The following ATP13A5 variants were observed in gnomAD, a reference collection of about 807,000 sequenced individuals.
ATP13A5 encodes the protein probable cation-transporting ATPase 13A5.
ATP13A5 carries 149 observed loss-of-function variants against 150.2 expected under a neutral mutation model. The ratio of observed to expected loss-of-function variants is 0.99; its 90% CI spans 0.87 to 1.14. ATP13A5 has a LOEUF of 1.14. ATP13A5 is among the 50% of genes most tolerant of loss of function. ATP13A5 has a pLI of 0.00. For missense variants in ATP13A5, 1,383 were observed against 1,449.3 expected (o/e 0.95, Z 0.74); for synonymous variants, 497 against 522.2 (o/e 0.95, Z 0.66).
In ATP13A5 at chr3:193,345,697, T is replaced by C. The variant is rs1712309726; in HGVS notation, c.742-622A>G. On this transcript the variant is annotated intron_variant, in intron 7 of 29. Transcript: ENST00000342358. ...GACGCATAAGTTAGGTTTTCAATCT[T>C]GTCTATTAAGTTAGGTTAAGGTTGG... Among the ~76,000 whole-genome samples, 4 of 152,304 alleles carry C rather than the reference T, an allele frequency of 2.6e-5. No homozygotes were observed. The South Asian group carries it at 8.3e-4, about 32-fold the overall frequency.
chr3:193,344,386 G>A (rs1167670207), intron 8 of ATP13A5, among the ~76,000 whole-genome samples: 8 of 152,132 alleles, frequency 5.3e-5, no homozygotes, highest in Admixed American at 5.2e-4. Context: ...TGATTCCTGT[G>A]GTTGGTACAC....
At chr3:193,293,132 T>C (rs572830453) in intron 25 of ATP13A5, among the ~76,000 whole-genome samples, 1 of 152,214 alleles carries the variant, frequency 6.6e-6, no homozygotes, top group South Asian at 2.1e-4. Flanking sequence ...GAAACCCCAG[T>C]ATTTCTGATT....
intron 9 of ATP13A5, among the ~76,000 whole-genome samples, chr3:193,338,973 A>T (rs938920198): frequency 1.1e-4 from 16 of 152,024 alleles, no homozygotes; most frequent in African/African-American, 3.9e-4. Context: ...GAGGGTGTAT[A>T]TGTCGAGGAA....
At chr3:193,375,807 C>T (rs896789535) in intron 1 of ATP13A5, among the ~76,000 whole-genome samples, 1 of 152,160 alleles carries the variant, frequency 6.6e-6, no homozygotes, top group South Asian at 2.1e-4. Flanking sequence ...CCATGCTGAG[C>T]TCAGCAGAAT....
chr3:193,342,576 A>G (rs796633199), intron 9 of ATP13A5, among the ~76,000 whole-genome samples: 2 of 152,182 alleles, frequency 1.3e-5, no homozygotes, highest in Admixed American at 1.3e-4. Context: ...GCCACTTGTC[A>G]TTTAAGGTTA....
intron 5 of ATP13A5, among the ~76,000 whole-genome samples, chr3:193,355,486 G>C (rs1228838368): frequency 6.6e-6 from 1 of 152,162 alleles, no homozygotes; most frequent in African/African-American, 2.4e-5. Context: ...GGGAGAATCT[G>C]CATGAGAGAT....
intron 7 of ATP13A5, among the ~76,000 whole-genome samples, chr3:193,345,361 C>T (rs1327129203): frequency 6.6e-6 from 1 of 151,996 alleles, no homozygotes; most frequent in Admixed American, 6.6e-5. Context: ...TTAAAAGAAA[C>T]TTTAGACAAA....
intron 27 of ATP13A5, 49 bp from the exon 28 acceptor site, chr3:193,279,503 A>C: frequency 6.7e-7 from 1 of 1,503,738 alleles, no homozygotes; most frequent in Non-Finnish European, 9.2e-7. Flanking sequence ...AATGTTTCAT[A>C]TAATTTGGCA....
intron 27 of ATP13A5, chr3:193,281,331 G>A (rs1034276719): frequency 5.9e-6 from 2 of 336,626 alleles, no homozygotes; most frequent in African/African-American, 2.2e-5. Context: ...ACTAGGTCTC[G>A]CCTGTGCACA....
chr3:193,311,279 G>C (rs1008258957), intron 20 of ATP13A5, among the ~76,000 whole-genome samples: 1 of 152,176 alleles, frequency 6.6e-6, no homozygotes, highest in East Asian at 1.9e-4. Flanking sequence ...CTAACAGATA[G>C]TTGCTGCCCT....
intron 23 of ATP13A5, among the ~76,000 whole-genome samples, chr3:193,302,549 C>G (rs915579639): frequency 1.3e-5 from 2 of 152,174 alleles, no homozygotes; most frequent in African/African-American, 4.8e-5. Flanking sequence ...AAAATTACTG[C>G]TATTCCTAAT....
chr3:193,302,209 G>A (rs1341388924), intron 23 of ATP13A5, among the ~76,000 whole-genome samples: 9 of 152,116 alleles, frequency 5.9e-5, no homozygotes, highest in Non-Finnish European at 8.8e-5. Flanking sequence ...ACAGGGACAT[G>A]AAAAGAAGAA....
At chr3:193,283,612 T>C (rs1298054722) in intron 27 of ATP13A5, among the ~76,000 whole-genome samples, 1 of 152,098 alleles carries the variant, frequency 6.6e-6, no homozygotes, top group Non-Finnish European at 1.5e-5. Flanking sequence ...GGATATAATA[T>C]TAAGAAGCAC....
At chr3:193,280,149 C>G (rs1577320548) in intron 27 of ATP13A5, among the ~76,000 whole-genome samples, 1 of 152,086 alleles carries the variant, frequency 6.6e-6, no homozygotes, top group Non-Finnish European at 1.5e-5. Context: ...CTCCCTGGTT[C>G]AAGCAATTCT....
At chr3:193,354,583 C>T (rs1444621818) in intron 5 of ATP13A5, among the ~76,000 whole-genome samples, 1 of 151,618 alleles carries the variant, frequency 6.6e-6, no homozygotes, top group Non-Finnish European at 1.5e-5. Context: ...GAAGTCATAT[C>T]TATCTTACTT....
chr3:193,293,782 T>C (rs1409716159), intron 25 of ATP13A5, among the ~76,000 whole-genome samples: 1 of 152,074 alleles, frequency 6.6e-6, no homozygotes, highest in Non-Finnish European at 1.5e-5. Context: ...TGGTTTGTAT[T>C]TTCCATCAGA....
chr3:193,280,237 T>C (rs1717424193), intron 27 of ATP13A5, among the ~76,000 whole-genome samples: 2 of 151,984 alleles, frequency 1.3e-5, no homozygotes, highest in African/African-American at 2.4e-5. Flanking sequence ...GTATTTTCCA[T>C]AGAGATGGGG....
At chr3:193,351,928 CTAA>C (rs1301544406) in intron 6 of ATP13A5, among the ~76,000 whole-genome samples, 1 of 152,110 alleles carries the variant, frequency 6.6e-6, no homozygotes, top group African/African-American at 2.4e-5. Context: ...CTAACTCATG[CTAA>C]TAATGAGAGC....
intron 5 of ATP13A5, among the ~76,000 whole-genome samples, chr3:193,361,522 T>C (rs559881547): frequency 5.9e-4 from 90 of 152,322 alleles, no homozygotes; most frequent in Non-Finnish European, 9.7e-4. Flanking sequence ...AATAGGTGTT[T>C]CTGGCCGACT....
Sources: allele counts gnomAD v4.1 joint callset (sites outside exome capture counted in the v4.1 genomes callset), GRCh38; gene constraint gnomAD v4.1.1; transcripts MANE v1.5; gene names NCBI Gene and HGNC (gene_info 2026-07-23, HGNC 2026-07-21).